Variants in NPR3 observed in about 807,000 individuals in gnomAD.
NPR3 encodes the protein atrial natriuretic peptide receptor 3.
A neutral mutation model predicts 54.5 loss-of-function variants in NPR3; 34 were observed. That is an observed-to-expected ratio of 0.62 (90% CI 0.47 to 0.83). The LOEUF (loss-of-function observed/expected upper bound fraction) is 0.83, where lower values mean the gene tolerates loss of function less well. Among genes scored for constraint, NPR3 ranks in the 40% least tolerant of loss-of-function variants. The probability of loss-of-function intolerance (pLI) is 0.00; values close to 1 mark genes in which losing one functional copy is unlikely to be tolerated. For synonymous variants in NPR3, 289 were observed against 297.1 expected, an observed-to-expected ratio of 0.97 and a Z score of 0.28; for missense variants, 674 against 720.8, an observed-to-expected ratio of 0.94 and a Z score of 0.74.
intron 3 of NPR3, among the ~76,000 whole-genome samples, chr5:32,770,207 G>A (rs776566770): frequency 1.1e-4 from 17 of 152,090 alleles, no homozygotes; most frequent in Non-Finnish European, 1.6e-4. Flanking sequence ...TAAGGTGGGC[G>A]GGTCACTTGA....
intron 3 of NPR3, among the ~76,000 whole-genome samples, chr5:32,772,503 G>T (rs533337439): frequency 2.6e-5 from 4 of 152,184 alleles, no homozygotes; most frequent in African/African-American, 4.8e-5. Flanking sequence ...GTCATACTGG[G>T]ATGGAATTAA....
intron 1 of NPR3, among the ~76,000 whole-genome samples, chr5:32,693,905 G>T (rs1374341283): frequency 6.6e-6 from 1 of 152,184 alleles, no homozygotes; most frequent in African/African-American, 2.4e-5. Context: ...AATCCTCTCT[G>T]TGCCTTCATA....
chr5:32,711,585 C>G lies in NPR3; in HGVS notation c.-192C>G, dbSNP rs981514097. Reference sequence around the variant, plus strand: ...CTTTTTCTTTTTTTTTTAAGAAAAACTAGTGACATTGCAGAGAAGGACGCT... The same window carrying G: ...CTTTTTCTTTTTTTTTTAAGAAAAAGTAGTGACATTGCAGAGAAGGACGCT... On this transcript the variant is annotated 5_prime_UTR_variant, in exon 1 of 8. Transcript: ENST00000265074. 2 of 1,221,932 alleles carry G rather than the reference C, an allele frequency of 1.6e-6. No homozygotes were observed. The highest frequency in any genetic ancestry group is 3.2e-5 in the African/African-American group (2 of 61,748). 75.7% of individuals were successfully genotyped at this position (1,221,932 alleles called of 1,614,324 possible).
At position 32,791,687 on chromosome 5, in the gene NPR3, A is replaced by G. The variant is rs1425059815; in HGVS notation, c.*5342A>G. 1 of 166,446 alleles carries G rather than the reference A, an allele frequency of 6.0e-6. No individual in the cohort carries two copies. Among genetic ancestry groups the G allele is most frequent in the Non-Finnish European group, 1.5e-5 (1 of 68,026 alleles). The allele number at this position is 166,446 out of a possible 1,614,324, so 10.3% of individuals were successfully genotyped here. A position where few individuals can be genotyped will look rare whatever the true frequency, so the allele number is the denominator to read the frequency against. On this transcript the variant is annotated 3_prime_UTR_variant, in exon 8 of 8. Transcript: ENST00000265074. The stretch of plus-strand genomic sequence containing the variant: ...AATGCCACGTACTCAGAGTATAACA[A>G]TGTGTTCTCATTAAAAAATACATCC...
At chr5:32,737,446 A>C (rs932124085) in intron 2 of NPR3, among the ~76,000 whole-genome samples, 2 of 152,178 alleles carry the variant, frequency 1.3e-5, no homozygotes, top group African/African-American at 4.8e-5. Flanking sequence ...CTTCTTCAGG[A>C]AGAGTAGAGT....
intron 5 of NPR3, among the ~76,000 whole-genome samples, chr5:32,782,310 G>A (rs1381058168): frequency 6.6e-6 from 1 of 152,098 alleles, no homozygotes; most frequent in African/African-American, 2.4e-5. Context: ...CTGGGTACCT[G>A]TCATATGCTT....
At chr5:32,737,335 A>G (rs1312885545) in intron 2 of NPR3, among the ~76,000 whole-genome samples, 2 of 152,194 alleles carry the variant, frequency 1.3e-5, no homozygotes, top group African/African-American at 4.8e-5. Flanking sequence ...GACTGTATTT[A>G]CAATGCTCAC....
chr5:32,737,874 G>A (rs1739831260), intron 2 of NPR3, among the ~76,000 whole-genome samples: 1 of 152,000 alleles, frequency 6.6e-6, no homozygotes, highest in Admixed American at 6.6e-5. Context: ...GGTCTTCTGA[G>A]GAGTAAATGT....
intron 5 of NPR3, 125 bp from the exon 6 acceptor site, chr5:32,782,768 T>G: frequency 1.1e-6 from 1 of 914,714 alleles, no homozygotes; most frequent in Non-Finnish European, 1.6e-6. Context: ...GGTGATTTGA[T>G]GAAATGCCCA....
upstream of NPR3, among the ~76,000 whole-genome samples, chr5:32,705,168 A>G (rs373188294): frequency 4.6e-5 from 7 of 152,358 alleles, no homozygotes; most frequent in East Asian, 1.2e-3. Context: ...GAAGTAATTG[A>G]TGCTTTAAAA....
At chr5:32,769,719 CT>C (rs1741653401) in intron 3 of NPR3, among the ~76,000 whole-genome samples, 1 of 152,202 alleles carries the variant, frequency 6.6e-6, no homozygotes, top group Admixed American at 6.5e-5. Context: ...AACTCGGTCA[CT>C]TTCTTCCAGC....
At chr5:32,736,170 G>T (rs923219809) in intron 2 of NPR3, among the ~76,000 whole-genome samples, 4 of 145,160 alleles carry the variant, frequency 2.8e-5, no homozygotes, top group Non-Finnish European at 4.5e-5. Flanking sequence ...GGCAAAGGTT[G>T]CAGTGAGCTG....
At chr5:32,745,679 T>C (rs1740260442) in intron 3 of NPR3, among the ~76,000 whole-genome samples, 1 of 152,178 alleles carries the variant, frequency 6.6e-6, no homozygotes, top group Non-Finnish European at 1.5e-5. Flanking sequence ...CTGAAGTATT[T>C]CCTTCCTTTC....
At chr5:32,756,401 C>T (rs2111997379) in intron 3 of NPR3, among the ~76,000 whole-genome samples, 2 of 152,268 alleles carry the variant, frequency 1.3e-5, no homozygotes, top group Middle Eastern at 3.4e-3. Flanking sequence ...TAAATGTCTT[C>T]TTTTGAGAAG....
At chr5:32,713,453 G>A (rs1738374412) in intron 1 of NPR3, 1 of 985,456 alleles carries the variant, frequency 1.0e-6, no homozygotes. Context: ...AGAATCTGAG[G>A]GAAGGCGGAC....
intron 1 of NPR3, among the ~76,000 whole-genome samples, chr5:32,717,013 C>A (rs1387237299): frequency 6.7e-6 from 1 of 149,278 alleles, no homozygotes; most frequent in Non-Finnish European, 1.5e-5. Flanking sequence ...CACCCCCCAC[C>A]CCCTGACAGG....
intron 2 of NPR3, among the ~76,000 whole-genome samples, chr5:32,732,134 G>C (rs1036513445): frequency 2.0e-5 from 3 of 151,470 alleles, no homozygotes; most frequent in Admixed American, 2.0e-4. Context: ...CCAGCTACTC[G>C]GGAGGCTGAG....
upstream of NPR3, chr5:32,710,739 C>T: frequency 6.5e-7 from 1 of 1,547,816 alleles, no homozygotes. Flanking sequence ...CAGGTGCTCG[C>T]CCCGCGTCGG....
Position 32,712,171 on chromosome 5 carries a change from T to C in NPR3, c.395T>C (p.Leu132Pro). ...CGGGGCGCCAAGCCAGACCTTATCC[T>C]GGGGCCAGTGTGCGAGTATGCAGCA... is the stretch of plus-strand genomic sequence containing the variant. Reference protein sequence around the residue: ...AARGAKPDLILGPVCEYAAAP... With the variant: ...AARGAKPDLIPGPVCEYAAAP... Residue 132 changes from leucine to proline, a missense_variant, in exon 1 of 8, where the codon CTG becomes CCG. Transcript: ENST00000265074. The C allele has an allele frequency of 6.2e-7, 1 of 1,613,168 alleles. No individual in the cohort carries two copies. Among genetic ancestry groups the C allele is most frequent in the Non-Finnish European group, 8.5e-7 (1 of 1,179,752 alleles).
Sources: allele counts gnomAD v4.1 joint callset (sites outside exome capture counted in the v4.1 genomes callset), GRCh38; gene constraint gnomAD v4.1.1; transcripts MANE v1.5; gene names NCBI Gene and HGNC (gene_info 2026-07-23, HGNC 2026-07-21).